Variants in B3GAT2 observed in about 807,000 individuals in gnomAD.
The protein encoded by B3GAT2 is beta-1,3-glucuronyltransferase 2, also known as galactosylgalactosylxylosylprotein 3-beta-glucuronosyltransferase 2.
A neutral mutation model predicts 27.8 loss-of-function variants in B3GAT2; 26 were observed. That is an observed-to-expected ratio of 0.93 (90% confidence interval 0.68 to 1.30). B3GAT2 has a LOEUF of 1.30. Ranked by LOEUF, B3GAT2 falls within the 50% of genes most tolerant of loss-of-function variation. The probability of loss-of-function intolerance (pLI) is 0.00; values close to 1 mark genes in which losing one functional copy is unlikely to be tolerated. For missense variants in B3GAT2, 458 were observed against 459.0 expected (o/e 1.00, Z 0.02); for synonymous variants, 218 against 195.1 (o/e 1.12, Z -0.98).
intron 1 of B3GAT2, among the ~76,000 whole-genome samples, chr6:70,913,350 G>A (rs1023891123): frequency 8.5e-5 from 13 of 152,078 alleles, no homozygotes; most frequent in Middle Eastern, 3.4e-3. Flanking sequence ...CAGAGATTTT[G>A]GTATATTTTA....
In B3GAT2 at chr6:70,856,682, T is replaced by C. The variant is rs1582318614; in HGVS notation, c.*4981A>G. 1.9e-6 allele frequency: 1 copy of C among 520,842 alleles called. No homozygotes were observed. The highest frequency in any genetic ancestry group is 3.3e-6 in the Non-Finnish European group (1 of 302,022). The allele number at this position is 520,842 out of a possible 1,614,324, so 32.3% of individuals were successfully genotyped here. On this transcript the variant is annotated 3_prime_UTR_variant, in exon 4 of 4. Coordinates refer to ENST00000230053, the MANE Select transcript of B3GAT2 (RefSeq NM_080742.3). Reference sequence around the variant, plus strand: ...TTCAAATTAAGAAGTACTGTCTTGATTGTAGATGTTTTTATATGGGCTTGG... The same window carrying C: ...TTCAAATTAAGAAGTACTGTCTTGACTGTAGATGTTTTTATATGGGCTTGG...
intron 1 of B3GAT2, among the ~76,000 whole-genome samples, chr6:70,913,154 C>T (rs926209369): frequency 6.6e-6 from 1 of 151,994 alleles, no homozygotes; most frequent in African/African-American, 2.4e-5. Flanking sequence ...ATTTTCCTGT[C>T]TCAATTTCAT....
intron 2 of B3GAT2, among the ~76,000 whole-genome samples, chr6:70,890,133 A>G (rs987955097): frequency 6.6e-6 from 1 of 151,614 alleles, no homozygotes; most frequent in South Asian, 2.1e-4. Flanking sequence ...TTTCTCCCAT[A>G]CTCACCAAGG....
intron 1 of B3GAT2, among the ~76,000 whole-genome samples, chr6:70,926,656 C>T (rs189879385): frequency 6.6e-5 from 10 of 152,262 alleles, no homozygotes; most frequent in Admixed American, 2.0e-4. Context: ...AACAAAGTCT[C>T]CAAGAAATAT....
chr6:70,881,261 T>C (rs1170365064), intron 2 of B3GAT2, among the ~76,000 whole-genome samples: 2 of 151,978 alleles, frequency 1.3e-5, no homozygotes, highest in Non-Finnish European at 1.5e-5. Flanking sequence ...CTCCAATGAC[T>C]CTTTCCTCAC....
In B3GAT2 at chr6:70,859,416, G is replaced by A; in HGVS notation, c.*2247C>T. ...AAGGTGGTTAAAATGTCCTTTAGTA[G>A]GTATGAAGACGTGATCTGCTTCTTC... On this transcript the variant is annotated 3_prime_UTR_variant, in exon 4 of 4. Transcript: ENST00000230053. 1 of 1,542,426 alleles carries A rather than the reference G, an allele frequency of 6.5e-7. No individual in the cohort carries two copies.
At chr6:70,929,628 A>C (rs1418572824) in intron 1 of B3GAT2, among the ~76,000 whole-genome samples, 1 of 152,226 alleles carries the variant, frequency 6.6e-6, no homozygotes, top group East Asian at 1.9e-4. Context: ...CCAGGAATCC[A>C]ACTTACAAGG....
At chr6:70,901,095 G>A (rs1337234690) in intron 1 of B3GAT2, among the ~76,000 whole-genome samples, 1 of 152,086 alleles carries the variant, frequency 6.6e-6, no homozygotes, top group Non-Finnish European at 1.5e-5. Context: ...CCCTAAACGT[G>A]ATTTTCCAAA....
chr6:70,859,572 G>T lies in B3GAT2; in HGVS notation c.*2091C>A. 2.2e-6 allele frequency: 1 copy of T among 463,728 alleles called. No homozygotes were observed. Among genetic ancestry groups the T allele is most frequent in the African/African-American group, 2.0e-5 (1 of 50,090 alleles). 28.7% of individuals were successfully genotyped at this position (463,728 alleles called of 1,614,324 possible). On this transcript the variant is annotated 3_prime_UTR_variant, in exon 4 of 4. Transcript: ENST00000230053. ...TAAGTTTTAAACCCACTCACTATATGGTAAATCTTGCCTTTCCTTCTCTTA... is the reference window on the plus strand; with the variant it reads ...TAAGTTTTAAACCCACTCACTATATTGTAAATCTTGCCTTTCCTTCTCTTA...
intron 1 of B3GAT2, among the ~76,000 whole-genome samples, chr6:70,908,215 G>A (rs948351818): frequency 3.9e-5 from 6 of 152,138 alleles, no homozygotes; most frequent in Non-Finnish European, 7.4e-5. Context: ...AGAGTCAGGG[G>A]CACCAAGGAC....
At chr6:70,921,810 TATA>T (rs1239033040) in intron 1 of B3GAT2, among the ~76,000 whole-genome samples, 2 of 152,208 alleles carry the variant, frequency 1.3e-5, no homozygotes, top group African/African-American at 4.8e-5. Flanking sequence ...TTGATTGTGG[TATA>T]ATGTCGGTTC....
At chr6:70,891,230 G>A (rs577487937) in intron 2 of B3GAT2, among the ~76,000 whole-genome samples, 10 of 152,300 alleles carry the variant, frequency 6.6e-5, no homozygotes, top group African/African-American at 2.4e-4. Context: ...ATGGCTACTG[G>A]TCAGCTTTGA....
rs370078636 is a variant in B3GAT2 at position 70,926,682 on chromosome 6, G to C, written c.591+29157C>G. On this transcript the variant is annotated intron_variant, in intron 1 of 3. Coordinates refer to ENST00000230053, the MANE Select transcript of B3GAT2 (RefSeq NM_080742.3). ...CAAGAAATATGGGACTATGTGAAAA[G>C]ACCAAATCTACGTTTCATTGGTGTA... Among the ~76,000 whole-genome samples, 700 of 152,316 alleles carry C rather than the reference G, an allele frequency of 4.6e-3. 5 individuals are homozygous for C. The highest frequency in any genetic ancestry group is 0.016 in the African/African-American group (660 of 41,570).
chr6:70,926,529 G>A (rs959714571), intron 1 of B3GAT2, among the ~76,000 whole-genome samples: 4 of 152,146 alleles, frequency 2.6e-5, no homozygotes, highest in African/African-American at 9.7e-5. Context: ...CGTGACGAAT[G>A]CACAAGCTTC....
chr6:70,877,645 G>T (rs1772035700), intron 2 of B3GAT2, among the ~76,000 whole-genome samples: 1 of 152,162 alleles, frequency 6.6e-6, no homozygotes, highest in African/African-American at 2.4e-5. Flanking sequence ...CTGAAGATAT[G>T]TTCAGGCCAA....
At chr6:70,872,085 A>G (rs1220782406) in intron 2 of B3GAT2, among the ~76,000 whole-genome samples, 1 of 152,010 alleles carries the variant, frequency 6.6e-6, no homozygotes, top group Non-Finnish European at 1.5e-5. Context: ...TAGTTATTTT[A>G]AATTGTGTCC....
intron 1 of B3GAT2, among the ~76,000 whole-genome samples, chr6:70,953,818 A>G (rs1480789003): frequency 6.6e-6 from 1 of 151,192 alleles, no homozygotes; most frequent in African/African-American, 2.4e-5. Context: ...TTTTCTCCTT[A>G]CCCTCTCCTC....
intron 2 of B3GAT2, among the ~76,000 whole-genome samples, chr6:70,875,672 G>A (rs1772003583): frequency 6.6e-6 from 1 of 152,146 alleles, no homozygotes. Context: ...AGCATGCCTT[G>A]GTTGTTAAAC....
intron 1 of B3GAT2, among the ~76,000 whole-genome samples, chr6:70,911,213 T>A (rs1021438906): frequency 6.6e-6 from 1 of 152,220 alleles, no homozygotes; most frequent in African/African-American, 2.4e-5. Context: ...TTTTGGCATC[T>A]TCATCATGAA....
Sources: gnomAD v4.1 joint callset for allele counts (sites outside exome capture counted in the v4.1 genomes callset) on GRCh38, gnomAD v4.1.1 for gene constraint, MANE v1.5 for transcripts, NCBI Gene and HGNC (gene_info 2026-07-23, HGNC 2026-07-21) for gene names.